IL1RAPL1: variants seen among roughly 807,000 people sequenced by gnomAD.
IL1RAPL1 encodes the protein interleukin 1 receptor accessory protein like 1, also known as interleukin-1 receptor accessory protein-like 1.
Under a neutral mutation model 48.4 loss-of-function variants are expected in IL1RAPL1, and 3 were observed. The observed-to-expected ratio is 0.06, with a 90% CI of 0.03 to 0.16. The LOEUF (loss-of-function observed/expected upper bound fraction) is 0.16, where lower values mean the gene tolerates loss of function less well. Ranked by LOEUF, IL1RAPL1 falls within the 10% of genes least tolerant of loss-of-function variation. IL1RAPL1 has a pLI of 1.00. For synonymous variants in IL1RAPL1, 185 were observed against 187.7 expected (o/e 0.99, Z 0.12); for missense variants, 349 against 530.6 (o/e 0.66, Z 3.36).
intron 5 of IL1RAPL1, among the ~76,000 whole-genome samples, chrX:29,448,910 G>A (rs2147724834): frequency 9.0e-6 from 1 of 111,150 alleles, no homozygotes; most frequent in Non-Finnish European, 1.9e-5. Context: ...TGGCGGAGAA[G>A]GAGGACTCTG....
chrX:29,718,086 C>T (rs960438831), intron 6 of IL1RAPL1, among the ~76,000 whole-genome samples: 22 of 111,429 alleles, frequency 2.0e-4, no homozygotes, highest in South Asian at 1.1e-3. Context: ...AAGGTATGGA[C>T]GAATGTATTG....
intron 1 of IL1RAPL1, among the ~76,000 whole-genome samples, chrX:28,788,916 G>A (rs1292049380): frequency 8.9e-6 from 1 of 112,050 alleles, no homozygotes; most frequent in Non-Finnish European, 1.9e-5. Flanking sequence ...GAATGACACT[G>A]AATAAAACCA....
chrX:29,608,654 G>T (rs887201801), intron 5 of IL1RAPL1, among the ~76,000 whole-genome samples: 3 of 105,089 alleles, frequency 2.9e-5, no homozygotes, highest in African/African-American at 1.1e-4. Flanking sequence ...GTGAAACCCC[G>T]TCTCTACTAA....
chrX:29,335,293 G>C (rs1377358528), intron 3 of IL1RAPL1, among the ~76,000 whole-genome samples: 2 of 3,213 alleles, frequency 6.2e-4, no homozygotes, highest in East Asian at 0.056. Context: ...AGAGGGGAGA[G>C]GGGAGAGGGG....
At chrX:28,706,180 C>A (rs1473324746) in intron 1 of IL1RAPL1, among the ~76,000 whole-genome samples, 1 of 111,442 alleles carries the variant, frequency 9.0e-6, no homozygotes, top group South Asian at 3.8e-4. Flanking sequence ...TTTACTGTAC[C>A]TTTTCTATGT....
chrX:29,700,016 T>C (rs1329299073), intron 6 of IL1RAPL1, among the ~76,000 whole-genome samples: 1 of 111,855 alleles, frequency 8.9e-6, no homozygotes, highest in African/African-American at 3.2e-5. Context: ...ACTTGGTATC[T>C]CTTTTTGTGA....
intron 2 of IL1RAPL1, among the ~76,000 whole-genome samples, chrX:29,245,517 T>C (rs2147569061): frequency 8.9e-6 from 1 of 112,409 alleles, no homozygotes; most frequent in East Asian, 2.8e-4. Context: ...TGCATTTGTC[T>C]AATGACCAGT....
intron 1 of IL1RAPL1, among the ~76,000 whole-genome samples, chrX:28,626,290 G>T (rs911678958): frequency 1.8e-5 from 2 of 112,028 alleles, no homozygotes; most frequent in African/African-American, 6.5e-5. Context: ...GTATTATTAT[G>T]AACTATTTTA....
intron 6 of IL1RAPL1, among the ~76,000 whole-genome samples, chrX:29,737,255 A>G (rs1037181208): frequency 9.0e-6 from 1 of 111,710 alleles, no homozygotes; most frequent in African/African-American, 3.3e-5. Context: ...TAGGTATTCA[A>G]ATTTCTTTTA....
At chrX:29,170,123 T>A (rs1226414902) in intron 2 of IL1RAPL1, among the ~76,000 whole-genome samples, 1 of 111,887 alleles carries the variant, frequency 8.9e-6, no homozygotes, top group Non-Finnish European at 1.9e-5. Flanking sequence ...ATGCCAATTC[T>A]TAGATGAAAC....
At position 28,762,786 on chromosome X, in the gene IL1RAPL1, GCACACACACA is replaced by G. The variant is rs759005946; in HGVS notation, c.-24-26505_-24-26496del. Among the ~76,000 whole-genome samples, 344 of 62,950 alleles carry G rather than the reference GCACACACACA, an allele frequency of 5.5e-3. 3 individuals are homozygous for G. Among genetic ancestry groups the G allele is most frequent in the African/African-American group, 0.021 (326 of 15,833 alleles). 54.7% of individuals were successfully genotyped at this position (62,950 alleles called of 115,157 possible). On this transcript the variant is annotated intron_variant, in intron 1 of 10. Transcript: ENST00000378993. The stretch of plus-strand genomic sequence containing the variant: ...TATAAAATCTAATACGCACGCGCGC[GCACACACACA>G]CACACACACACACACACACACACAC...
intron 2 of IL1RAPL1, among the ~76,000 whole-genome samples, chrX:28,931,399 G>C (rs994318413): frequency 8.9e-6 from 1 of 112,085 alleles, no homozygotes; most frequent in African/African-American, 3.2e-5. Context: ...TTTATTTTCA[G>C]TGTATTATGA....
At chrX:28,678,272 C>A (rs1935021061) in intron 1 of IL1RAPL1, among the ~76,000 whole-genome samples, 1 of 111,247 alleles carries the variant, frequency 9.0e-6, no homozygotes, top group Admixed American at 9.6e-5. Context: ...TTTGCATCAC[C>A]TTGACTTTGG....
At chrX:29,678,524 TTGTGTG>T (rs111394018) in intron 6 of IL1RAPL1, among the ~76,000 whole-genome samples, 6,173 of 101,006 alleles carry the variant, frequency 0.061, 520 homozygotes, top group African/African-American at 0.22. Flanking sequence ...CTGGCTAATT[TTGTGTG>T]TGTGTGTGTG....
At chrX:29,053,984 T>A (rs73210012) in intron 2 of IL1RAPL1, among the ~76,000 whole-genome samples, 31,014 of 110,644 alleles carry the variant, frequency 0.28, 4,000 homozygotes, top group African/African-American at 0.5. Context: ...AAATGGCAGA[T>A]TTTCATTCTT....
At chrX:28,682,618 G>A (rs1004365858) in intron 1 of IL1RAPL1, among the ~76,000 whole-genome samples, 2 of 111,754 alleles carry the variant, frequency 1.8e-5, no homozygotes, top group Admixed American at 9.5e-5. Flanking sequence ...TGGAATTGCT[G>A]GGTCATCTTA....
At chrX:29,864,939 A>T (rs1216030797) in intron 6 of IL1RAPL1, among the ~76,000 whole-genome samples, 22 of 111,938 alleles carry the variant, frequency 2.0e-4, no homozygotes, top group Non-Finnish European at 1.9e-5. Context: ...GCAATTATAG[A>T]TACTTATCAG....
chrX:28,834,130 A>T (rs746981459), intron 2 of IL1RAPL1, among the ~76,000 whole-genome samples: 3 of 111,513 alleles, frequency 2.7e-5, no homozygotes, highest in African/African-American at 9.7e-5. Context: ...ATCACTCCAC[A>T]TCTTTACTTC....
chrX:28,834,829 C>G (rs1306932322), intron 2 of IL1RAPL1, among the ~76,000 whole-genome samples: 1 of 111,464 alleles, frequency 9.0e-6, no homozygotes, highest in Non-Finnish European at 1.9e-5. Context: ...AAATCTAGTT[C>G]TTACACTGTC....
Sources: gnomAD v4.1 joint callset for allele counts (sites outside exome capture counted in the v4.1 genomes callset) on GRCh38, gnomAD v4.1.1 for gene constraint, MANE v1.5 for transcripts, NCBI Gene and HGNC (gene_info 2026-07-23, HGNC 2026-07-21) for gene names.